Variants in PACS1 observed in about 807,000 individuals in gnomAD.
PACS1 encodes phosphofurin acidic cluster sorting protein 1.
PACS1 carries 24 observed loss-of-function variants against 115.0 expected under a neutral mutation model. The ratio of observed to expected loss-of-function variants is 0.21; its 90% CI spans 0.15 to 0.29. The LOEUF (loss-of-function observed/expected upper bound fraction) is 0.29. Ranked by LOEUF, PACS1 falls within the 10% of genes least tolerant of loss-of-function variation. The pLI, the probability that PACS1 is intolerant of heterozygous loss-of-function variation, is 1.00. For synonymous variants in PACS1, 453 were observed against 504.5 expected, an observed-to-expected ratio of 0.90 and a Z score of 1.37; for missense variants, 838 against 1,251.2, an observed-to-expected ratio of 0.67 and a Z score of 4.98.
At chr11:66,173,384 A>G (rs753910767) in intron 1 of PACS1, among the ~76,000 whole-genome samples, 3 of 152,194 alleles carry the variant, frequency 2.0e-5, no homozygotes, top group Non-Finnish European at 4.4e-5. Flanking sequence ...CCATTGTCAA[A>G]TAAAAGACTT....
At chr11:66,137,401 C>T (rs1257659460) in intron 1 of PACS1, among the ~76,000 whole-genome samples, 7 of 152,050 alleles carry the variant, frequency 4.6e-5, no homozygotes, top group African/African-American at 1.7e-4. Flanking sequence ...TCATTTTTTC[C>T]TGTTTTGAAA....
intron 1 of PACS1, among the ~76,000 whole-genome samples, chr11:66,161,938 C>T (rs1475675438): frequency 6.6e-6 from 1 of 151,990 alleles, no homozygotes; most frequent in African/African-American, 2.4e-5. Context: ...ATTTTAGGAG[C>T]CCAACCTGAT....
At chr11:66,207,089 G>A (rs772158850) in intron 2 of PACS1, among the ~76,000 whole-genome samples, 17 of 152,082 alleles carry the variant, frequency 1.1e-4, no homozygotes, top group African/African-American at 1.7e-4. Flanking sequence ...GAGGCAATCC[G>A]TACATCATAA....
At chr11:66,156,670 C>G (rs554208706) in intron 1 of PACS1, among the ~76,000 whole-genome samples, 1 of 151,930 alleles carries the variant, frequency 6.6e-6, no homozygotes, top group African/African-American at 2.4e-5. Context: ...CTGGCTAACA[C>G]GGTGAAACCC....
chr11:66,138,377 C>T (rs997023058), intron 1 of PACS1, among the ~76,000 whole-genome samples: 9 of 152,066 alleles, frequency 5.9e-5, no homozygotes, highest in South Asian at 4.1e-4. Flanking sequence ...GGTGCCCAGA[C>T]GGCTTTTGCA....
chr11:66,235,633 A>G lies in PACS1; in HGVS notation c.2207+230A>G. 1 of 605,696 alleles carries G rather than the reference A, an allele frequency of 1.7e-6. No homozygotes were observed. The allele number at this position is 605,696 out of a possible 1,614,324, so 37.5% of individuals were successfully genotyped here. On this transcript the variant is annotated intron_variant, in intron 18 of 23. Coordinates refer to ENST00000320580, the MANE Select transcript of PACS1 (RefSeq NM_018026.4). This position sits in a 1 kb window ranked among gnomAD's most constrained non-coding sequence, Gnocchi z 5.6. ...AGTTTCCTTTCCTGCCCTTCAGTAT[A>G]AAGCAGCCCATCCTCATAGCTGGAA...
intron 2 of PACS1, among the ~76,000 whole-genome samples, chr11:66,202,781 A>G (rs1417662295): frequency 7.6e-6 from 1 of 131,508 alleles, no homozygotes; most frequent in East Asian, 2.3e-4. Flanking sequence ...ATATATATAT[A>G]TTCTGAAAAA....
At chr11:66,100,969 A>G (rs1857904503) in intron 1 of PACS1, 1 of 454,476 alleles carries the variant, frequency 2.2e-6, no homozygotes, top group Middle Eastern at 3.3e-4. Flanking sequence ...GGAGAGTCAC[A>G]TGGCCTCATT....
intron 1 of PACS1, among the ~76,000 whole-genome samples, chr11:66,148,585 T>G (rs1859173722): frequency 6.6e-6 from 1 of 152,194 alleles, no homozygotes; most frequent in African/African-American, 2.4e-5. Context: ...AGGGACTGAT[T>G]AAGTAAGTAG....
At chr11:66,081,761 T>G (rs570914805) in intron 1 of PACS1, among the ~76,000 whole-genome samples, 1 of 152,322 alleles carries the variant, frequency 6.6e-6, no homozygotes, top group African/African-American at 2.4e-5. Flanking sequence ...TAGCCCTGGT[T>G]TGGCAGCAGA....
chr11:66,127,140 G>A (rs1300158866), intron 1 of PACS1, among the ~76,000 whole-genome samples: 2 of 152,166 alleles, frequency 1.3e-5, no homozygotes, highest in East Asian at 3.8e-4. Flanking sequence ...CAAGGAGAAC[G>A]GGAAGGCCCT....
chr11:66,156,349 T>C (rs1457861488), intron 1 of PACS1, among the ~76,000 whole-genome samples: 1 of 147,528 alleles, frequency 6.8e-6, no homozygotes, highest in Non-Finnish European at 1.5e-5. Context: ...GCCCCCCGGG[T>C]TCAAGCCATT....
chr11:66,199,145 C>G (rs919244179), intron 2 of PACS1, among the ~76,000 whole-genome samples: 3 of 152,056 alleles, frequency 2.0e-5, no homozygotes, highest in Admixed American at 6.6e-5. Flanking sequence ...GAAACCCCAT[C>G]TCTACTAATA....
intron 1 of PACS1, among the ~76,000 whole-genome samples, chr11:66,111,176 A>G (rs187372449): frequency 6.6e-6 from 1 of 152,208 alleles, no homozygotes; most frequent in African/African-American, 2.4e-5. Flanking sequence ...ACTTTAGGCA[A>G]TTGTAACACA....
chr11:66,237,311 C>T (rs1855724977), intron 19 of PACS1, among the ~76,000 whole-genome samples: 1 of 152,254 alleles, frequency 6.6e-6, no homozygotes, highest in African/African-American at 2.4e-5. Context: ...ATCCACCTGC[C>T]TCAGCCTCCC....
chr11:66,088,527 C>A (rs1182181941), intron 1 of PACS1, among the ~76,000 whole-genome samples: 1 of 152,210 alleles, frequency 6.6e-6, no homozygotes, highest in African/African-American at 2.4e-5. Context: ...CACTGCACTG[C>A]ATTATCACCT....
chr11:66,157,800 C>A (rs772053497), intron 1 of PACS1, among the ~76,000 whole-genome samples: 7 of 151,800 alleles, frequency 4.6e-5, no homozygotes, highest in Non-Finnish European at 8.8e-5. Flanking sequence ...AGCCCCTCAG[C>A]CAGGACATTA....
intron 11 of PACS1, among the ~76,000 whole-genome samples, 188 bp downstream of exon 11, chr11:66,227,772 C>CCA (rs1855496959): frequency 6.6e-6 from 1 of 152,154 alleles, no homozygotes; most frequent in African/African-American, 2.4e-5. Context: ...GGTGTAGACA[C>CCA]CAGGTTGCTC....
At chr11:66,150,171 A>T (rs147583992) in intron 1 of PACS1, among the ~76,000 whole-genome samples, 28 of 152,350 alleles carry the variant, frequency 1.8e-4, no homozygotes, top group Admixed American at 5.9e-4. Flanking sequence ...AAAGACATAT[A>T]AAATAGTAAT....
Sources: gnomAD v4.1 joint callset for allele counts (sites outside exome capture counted in the v4.1 genomes callset) on GRCh38, gnomAD v4.1.1 for gene constraint, Gnocchi (gnomAD v3.1) non-coding constraint, MANE v1.5 for transcripts, NCBI Gene and HGNC (gene_info 2026-07-23, HGNC 2026-07-21) for gene names.